Variants in PACRGL observed in about 807,000 individuals in gnomAD.
PACRGL encodes PACRG-like protein.
A neutral mutation model predicts 34.5 loss-of-function variants in PACRGL; 38 were observed. The ratio of observed to expected loss-of-function variants is 1.10; its 90% confidence interval spans 0.85 to 1.44. PACRGL has a LOEUF of 1.44. PACRGL is among the 40% of genes most tolerant of loss of function. The pLI, the probability that PACRGL is intolerant of heterozygous loss-of-function variation, is 0.00. For synonymous variants in PACRGL, 128 were observed against 100.1 expected (o/e 1.28, Z -1.66); for missense variants, 305 against 281.4 (o/e 1.08, Z -0.60).
At chr4:20,737,955 G>T (rs1156718583) in intron 8 of PACRGL, among the ~76,000 whole-genome samples, 2 of 152,028 alleles carry the variant, frequency 1.3e-5, no homozygotes, top group Non-Finnish European at 2.9e-5. Context: ...AACGCAGCCA[G>T]ATCCAAATTA....
At chr4:20,751,772 A>T (rs1753681106) in intron 8 of PACRGL, among the ~76,000 whole-genome samples, 1 of 152,216 alleles carries the variant, frequency 6.6e-6, no homozygotes, top group Admixed American at 6.5e-5. Context: ...AAAGCTTGAT[A>T]TGTGGGAATT....
At position 20,730,227 on chromosome 4, in the gene PACRGL, CAACCACCTA is replaced by C. The variant is rs1202655450; in HGVS notation, c.*2887_*2895del. 5 of 1,401,046 alleles carry C rather than the reference CAACCACCTA, an allele frequency of 3.6e-6. No homozygotes were observed. The African/African-American group carries it at 4.4e-5, about 12-fold the overall frequency. 86.8% of individuals were successfully genotyped at this position (1,401,046 alleles called of 1,614,324 possible). On this transcript the variant is annotated 3_prime_UTR_variant, in exon 9 of 9. Coordinates refer to ENST00000503585, the MANE Select transcript of PACRGL (RefSeq NM_001258345.3). Reference sequence around the variant, plus strand: ...TATTGCCTCCTCCCATCAACCACCTCAACCACCTATGCCAAAAGCTCAAATATTAAGTGT... The same window carrying C: ...TATTGCCTCCTCCCATCAACCACCTCTGCCAAAAGCTCAAATATTAAGTGT...
At chr4:20,757,275 T>A (rs779147216), downstream of PACRGL, among the ~76,000 whole-genome samples, 22 of 152,192 alleles carry the variant, frequency 1.4e-4, no homozygotes, top group Non-Finnish European at 2.6e-4. Flanking sequence ...ATGCATATAC[T>A]TATTTAAAGA....
chr4:20,713,180 A>G (rs1364899559), intron 6 of PACRGL: 2 of 542,348 alleles, frequency 3.7e-6, no homozygotes, highest in Admixed American at 3.6e-5. Flanking sequence ...TGAACCTCAA[A>G]TCAGCCTTTC....
chr4:20,698,432 G>T (rs747923996), upstream of PACRGL, among the ~76,000 whole-genome samples: 1 of 151,812 alleles, frequency 6.6e-6, no homozygotes, highest in South Asian at 2.1e-4. Context: ...TACTCCTATC[G>T]CCCAACTCAG....
chr4:20,703,109 AT>A (rs1430626560), intron 1 of PACRGL, among the ~76,000 whole-genome samples: 5 of 152,244 alleles, frequency 3.3e-5, no homozygotes, highest in African/African-American at 1.2e-4. Context: ...GTGAGGAATC[AT>A]TTTAAAAAGT....
chr4:20,733,274 TTTAAC>T (rs1314130395), downstream of PACRGL, among the ~76,000 whole-genome samples: 12 of 152,184 alleles, frequency 7.9e-5, no homozygotes, highest in Non-Finnish European at 1.6e-4. Flanking sequence ...CTACTGTGGC[TTTAAC>T]TTAAGTCACA....
In PACRGL at chr4:20,729,277, C is replaced by CTTGT. The variant is rs1273952554; in HGVS notation, c.*1939_*1942dup. The CTTGT allele has an allele frequency of 6.6e-6, 1 of 152,322 alleles. No homozygotes were observed. Among genetic ancestry groups the CTTGT allele is most frequent in the African/African-American group, 2.4e-5 (1 of 41,414 alleles). 9.4% of individuals were successfully genotyped at this position (152,322 alleles called of 1,614,324 possible). A position where few individuals can be genotyped will look rare whatever the true frequency, so the allele number is the denominator to read the frequency against. On this transcript the variant is annotated 3_prime_UTR_variant, in exon 9 of 9. Transcript: ENST00000503585. ...CCCTTTGCATATGTCTGTAAACATC[C>CTTGT]TTGTTTTGTTTGATGCCTTCTTCAA... is the stretch of plus-strand genomic sequence containing the variant.
chr4:20,716,206 G>C (rs1256456797), intron 7 of PACRGL: 2 of 960,082 alleles, frequency 2.1e-6, no homozygotes, highest in South Asian at 1.4e-5. Context: ...GGCTGTTATG[G>C]TTTCTTACAA....
At chr4:20,725,404 A>G (rs1335348889) in intron 8 of PACRGL, among the ~76,000 whole-genome samples, 1 of 152,068 alleles carries the variant, frequency 6.6e-6, no homozygotes, top group Non-Finnish European at 1.5e-5. Flanking sequence ...CAGTGCTGGA[A>G]TAGTTTAATT....
At chr4:20,709,482 TG>T (rs1038612589) in intron 4 of PACRGL, among the ~76,000 whole-genome samples, 200 bp from the exon 5 acceptor site, 4 of 152,190 alleles carry the variant, frequency 2.6e-5, no homozygotes, top group African/African-American at 9.7e-5. Context: ...TTAACACATG[TG>T]GGTCACTTTT....
At chr4:20,738,035 G>C (rs1750081282) in intron 8 of PACRGL, among the ~76,000 whole-genome samples, 1 of 151,806 alleles carries the variant, frequency 6.6e-6, no homozygotes, top group Non-Finnish European at 1.5e-5. Context: ...GGGAGGCTGA[G>C]ATGGGAATCA....
chr4:20,713,218 C>T (rs1738142386), intron 6 of PACRGL: 1 of 573,116 alleles, frequency 1.7e-6, no homozygotes, highest in African/African-American at 1.9e-5. Flanking sequence ...TTAGTTAATG[C>T]TTCAGTCAGA....
At chr4:20,715,649 C>T (rs1387711752) in intron 7 of PACRGL, among the ~76,000 whole-genome samples, 1 of 151,930 alleles carries the variant, frequency 6.6e-6, no homozygotes, top group African/African-American at 2.4e-5. Flanking sequence ...GGTGGATTGC[C>T]TGAGCTCAGG....
Position 20,709,767 on chromosome 4 carries a change from A to C in PACRGL, c.360A>C (p.Leu120Phe), listed in dbSNP as rs372255889. 2.5e-6 allele frequency: 4 copies of C among 1,591,084 alleles called. No individual in the cohort carries two copies. In the East Asian group the frequency reaches 9.0e-5, roughly 36 times the overall value. Residue 120 changes from leucine (L) to phenylalanine (F), a missense_variant, in exon 5 of 9, where the codon TTA becomes TTC. Transcript: ENST00000503585. ...SLSFDPLLIT[L>F]AEGLRETKHP... is the part of the protein sequence containing the mutation. Reference sequence around the variant, plus strand: ...CATTTGATCCACTTCTTATTACTTTAGCTGAGGTAAATATGCCATCTCTTG... The same window carrying C: ...CATTTGATCCACTTCTTATTACTTTCGCTGAGGTAAATATGCCATCTCTTG...
chr4:20,709,428 A>G (rs1736078894), intron 4 of PACRGL, among the ~76,000 whole-genome samples: 1 of 152,194 alleles, frequency 6.6e-6, no homozygotes, highest in African/African-American at 2.4e-5. Flanking sequence ...TATCTGTGTT[A>G]AGATTCACAG....
Position 20,713,485 on chromosome 4 carries a change from A to G in PACRGL, c.555A>G (p.Leu185=), listed in dbSNP as rs1272567820. The stretch of plus-strand genomic sequence containing the variant: ...GAGGATTGAATGCTCTAGTTCAGCT[A>G]AGTGTCGTTGTTGGTCCTTCTCTAA... ...FERGLNALVQ[L]SVVVGPSLND... The change falls in exon 7 of 9, where the codon CTA becomes CTG. Residue 185 remains leucine, a synonymous_variant. Coordinates refer to ENST00000503585, the MANE Select transcript of PACRGL (RefSeq NM_001258345.3). 6.8e-6 allele frequency: 11 copies of G among 1,613,620 alleles called. No individual in the cohort carries two copies. The highest frequency in any genetic ancestry group is 7.6e-6 in the Non-Finnish European group (9 of 1,179,784).
At chr4:20,734,689 T>C (rs1453021135), downstream of PACRGL, 1 of 1,603,352 alleles carries the variant, frequency 6.2e-7, no homozygotes, top group Non-Finnish European at 8.5e-7. Flanking sequence ...ATTGAGTTTT[T>C]CTTGTACTGT....
At chr4:20,756,259 T>C (rs748701626), downstream of PACRGL, among the ~76,000 whole-genome samples, 76 of 151,984 alleles carry the variant, frequency 5.0e-4, no homozygotes, top group Non-Finnish European at 9.1e-4. Context: ...CTATATTGAG[T>C]AGATGTCAAA....
Sources: allele counts gnomAD v4.1 joint callset (sites outside exome capture counted in the v4.1 genomes callset), GRCh38; gene constraint gnomAD v4.1.1; transcripts MANE v1.5; gene names NCBI Gene and HGNC (gene_info 2026-07-23, HGNC 2026-07-21).